The following OPA3 variants were observed in gnomAD, a reference collection of about 807,000 sequenced individuals.
OPA3 encodes the protein outer mitochondrial membrane lipid metabolism regulator OPA3.
In OPA3, 6 loss-of-function variants were observed where a neutral mutation model predicts 4.0. The observed-to-expected ratio is 1.51, with a 90% CI of 0.83 to 2.99. OPA3 has a LOEUF of 2.99. Ranked by LOEUF, OPA3 falls within the 30% of genes most tolerant of loss-of-function variation. The pLI is 0.00. For missense variants in OPA3, 235 were observed against 256.2 expected (o/e 0.92, Z 0.56); for synonymous variants, 105 against 117.1 (o/e 0.90, Z 0.67).
chr19:45,561,285 A>G (rs1234307451), intron 1 of OPA3, among the ~76,000 whole-genome samples: 1 of 152,180 alleles, frequency 6.6e-6, no homozygotes, highest in Non-Finnish European at 1.5e-5. Flanking sequence ...GTGAGCCGAG[A>G]TCATGCCATT....
chr19:45,574,119 C>T (rs1599994240), intron 1 of OPA3, among the ~76,000 whole-genome samples: 1 of 149,664 alleles, frequency 6.7e-6, no homozygotes, highest in East Asian at 2.0e-4. Flanking sequence ...GGGGGCTGGG[C>T]GCAGTGGCTC....
chr19:45,553,652 T>C lies in OPA3; in HGVS notation c.402A>G (p.Glu134=), dbSNP rs1228767996. The C allele has an allele frequency of 1.9e-6, 3 of 1,605,302 alleles. No individual in the cohort carries two copies. The South Asian group carries it at 3.3e-5, about 18-fold the overall frequency. ...DEVGHLALAL[E]ALQAQVQAAP... is the part of the protein sequence containing the mutation. ...CCGCCTGCACCTGCGCCTGCAGCGC[T>C]TCCAGCGCCAGCGCCAGGTGGCCCA... The change falls in exon 2 of 2, where the codon GAA becomes GAG. Residue 134 remains glutamate, a synonymous_variant. Coordinates refer to ENST00000263275, the MANE Select transcript of OPA3 (RefSeq NM_025136.4).
chr19:45,575,972 G>A (rs975119422), intron 1 of OPA3, among the ~76,000 whole-genome samples: 1 of 152,342 alleles, frequency 6.6e-6, no homozygotes, highest in South Asian at 2.1e-4. Context: ...GGTGGCTCAC[G>A]CCTGTAATCC....
downstream of OPA3, among the ~76,000 whole-genome samples, chr19:45,545,131 C>T (rs1764866737): frequency 6.8e-6 from 1 of 146,750 alleles, no homozygotes; most frequent in Non-Finnish European, 1.5e-5. Flanking sequence ...CGCCACTGCA[C>T]TCCAGCCTGG....
At chr19:45,569,651 G>A (rs1196347523) in intron 1 of OPA3, among the ~76,000 whole-genome samples, 1 of 152,092 alleles carries the variant, frequency 6.6e-6, no homozygotes, top group East Asian at 1.9e-4. Flanking sequence ...TGGCAGTGAG[G>A]GGAGTTTCCT....
chr19:45,555,732 C>A (rs1969411445), intron 1 of OPA3, among the ~76,000 whole-genome samples: 1 of 152,132 alleles, frequency 6.6e-6, no homozygotes, highest in South Asian at 2.1e-4. Context: ...ACCTCGTGAT[C>A]CACCCACCTC....
intron 1 of OPA3, among the ~76,000 whole-genome samples, chr19:45,566,225 C>T (rs1969580214): frequency 6.8e-6 from 1 of 146,142 alleles, no homozygotes; most frequent in African/African-American, 2.5e-5. Context: ...TCTCAGCTCA[C>T]TGCAACCTCT....
intron 1 of OPA3, among the ~76,000 whole-genome samples, chr19:45,574,209 T>C (rs1300736546): frequency 3.3e-5 from 5 of 151,276 alleles, no homozygotes; most frequent in Non-Finnish European, 5.9e-5. Flanking sequence ...CTGGCTAACA[T>C]GGTGAAACCC....
chr19:45,541,346 T>C (rs1212021158), downstream of OPA3, among the ~76,000 whole-genome samples: 1 of 152,106 alleles, frequency 6.6e-6, no homozygotes, highest in Non-Finnish European at 1.5e-5. Context: ...CCATGCCACA[T>C]AGCCATCCTG....
chr19:45,572,949 C>T (rs952244266), intron 1 of OPA3, among the ~76,000 whole-genome samples: 1 of 150,868 alleles, frequency 6.6e-6, no homozygotes, highest in Non-Finnish European at 1.5e-5. Flanking sequence ...TTTATGTTTG[C>T]CCTTGCCAGG....
intron 1 of OPA3, among the ~76,000 whole-genome samples, chr19:45,558,722 GTT>G (rs573234842): frequency 6.8e-6 from 1 of 146,506 alleles, no homozygotes. Flanking sequence ...ATGTTCTGCT[GTT>G]TTTTTTTTTT....
chr19:45,533,116 C>T (rs1969077628), intron 1 of OPA3, among the ~76,000 whole-genome samples: 1 of 151,390 alleles, frequency 6.6e-6, no homozygotes. Flanking sequence ...GTCTCGAACT[C>T]CCAACCTCAA....
exon 2 of OPA3, chr19:45,528,618 A>AG (rs376254737): frequency 4.8e-4 from 84 of 175,052 alleles, no homozygotes; most frequent in African/African-American, 1.9e-3. Context: ...TGAGCGTCCT[A>AG]GGGGAAGGGT....
rs1389481765 is a variant in OPA3, at chr19:45,549,768, G to C, written c.*3746C>G. 2 of 985,238 alleles carry C rather than the reference G, an allele frequency of 2.0e-6. No homozygotes were observed. Among genetic ancestry groups the C allele is most frequent in the African/African-American group, 3.5e-5 (2 of 57,168 alleles). The allele number at this position is 985,238 out of a possible 1,614,324, so 61.0% of individuals were successfully genotyped here. A position where few individuals can be genotyped will look rare whatever the true frequency, so the allele number is the denominator to read the frequency against. Reference sequence around the variant, plus strand: ...GTGCTGGGATGACAGGCGTGAGCTGGCCTGGGTCACTCCCAGTTTTAAACA... The same window carrying C: ...GTGCTGGGATGACAGGCGTGAGCTGCCCTGGGTCACTCCCAGTTTTAAACA... On this transcript the variant is annotated 3_prime_UTR_variant, in exon 2 of 2. Transcript: ENST00000263275.
At chr19:45,539,599 G>A (rs1269592137) in intron 1 of OPA3, among the ~76,000 whole-genome samples, 3 of 151,922 alleles carry the variant, frequency 2.0e-5, no homozygotes, top group African/African-American at 7.2e-5. Flanking sequence ...TTACAGGCAT[G>A]AACACTACAC....
At chr19:45,536,346 C>G (rs1244001643) in intron 1 of OPA3, among the ~76,000 whole-genome samples, 1 of 151,788 alleles carries the variant, frequency 6.6e-6, no homozygotes, top group Non-Finnish European at 1.5e-5. Flanking sequence ...GAGTTTGAGA[C>G]CAGCCTGGCC....
exon 2 of OPA3, chr19:45,528,927 C>T (rs1969025391): frequency 8.7e-7 from 1 of 1,155,332 alleles, no homozygotes; most frequent in Non-Finnish European, 1.2e-6. Context: ...AGGATCTCTC[C>T]GGCGCCCCCG....
chr19:45,575,886 A>G (rs574496050), intron 1 of OPA3, among the ~76,000 whole-genome samples: 2 of 152,330 alleles, frequency 1.3e-5, no homozygotes, highest in South Asian at 4.1e-4. Flanking sequence ...GATAACAGGC[A>G]TGAACCACCG....
chr19:45,557,634 T>C (rs1490871420), intron 1 of OPA3, among the ~76,000 whole-genome samples: 1 of 152,178 alleles, frequency 6.6e-6, no homozygotes, highest in Non-Finnish European at 1.5e-5. Flanking sequence ...ATTCTGCATC[T>C]TGAACATCTC....
Sources: allele counts gnomAD v4.1 joint callset (sites outside exome capture counted in the v4.1 genomes callset), GRCh38; gene constraint gnomAD v4.1.1; transcripts MANE v1.5; gene names NCBI Gene and HGNC (gene_info 2026-07-23, HGNC 2026-07-21).